LRCH3: variants seen among roughly 807,000 people sequenced by gnomAD.
LRCH3 encodes the protein leucine rich repeats and calponin homology domain containing 3.
A neutral mutation model predicts 104.5 loss-of-function variants in LRCH3; 68 were observed. The ratio of observed to expected loss-of-function variants is 0.65; its 90% CI spans 0.54 to 0.80. LRCH3 has a LOEUF of 0.80. LRCH3 is among the 30% of genes least tolerant of loss of function. The pLI, the probability that LRCH3 is intolerant of heterozygous loss-of-function variation, is 0.00. For missense variants in LRCH3, 951 were observed against 953.9 expected (o/e 1.00, Z 0.04); for synonymous variants, 344 against 361.3 (o/e 0.95, Z 0.54).
intron 5 of LRCH3, 35 bp from the exon 6 acceptor site, chr3:197,829,529 T>G: frequency 7.3e-7 from 1 of 1,363,010 alleles, no homozygotes; most frequent in Non-Finnish European, 1.0e-6. Flanking sequence ...TTCAGATGAG[T>G]AATAATTTGG....
rs747828577 is a variant in LRCH3, at chr3:197,839,354, T to C, written c.1285T>C (p.Phe429Leu). The C allele has an allele frequency of 4.4e-6, 7 of 1,592,148 alleles. No homozygotes were observed. The highest frequency in any genetic ancestry group is 1.4e-5 in the African/African-American group (1 of 73,410). The stretch of plus-strand genomic sequence containing the variant: ...AGTAAAGCCAGTAGCCATTAGGGAG[T>C]TTCAAAAAACAGAAGATATGAGAAG... ...SPVKPVAIRE[F>L]QKTEDMRRYL... Residue 429 changes from phenylalanine to leucine, a missense_variant, in exon 10 of 21, where the codon TTT (phenylalanine) becomes CTT (leucine). Coordinates refer to ENST00000425562, the MANE Select transcript of LRCH3 (RefSeq NM_001365715.1).
At chr3:197,801,431 C>T (rs76951577) in intron 1 of LRCH3, among the ~76,000 whole-genome samples, 1,527 of 152,190 alleles carry the variant, frequency 0.01, 23 homozygotes, top group African/African-American at 0.035. Flanking sequence ...TCATGTTATA[C>T]TTTTAAAAAA....
chr3:197,882,220 T>A (rs1454537469), intron 20 of LRCH3: 2 of 985,254 alleles, frequency 2.0e-6, no homozygotes, highest in African/African-American at 1.7e-5. Flanking sequence ...CCTAGGGCGC[T>A]GCTGAGAGGA....
intron 20 of LRCH3, among the ~76,000 whole-genome samples, chr3:197,879,720 C>A (rs1402590113): frequency 6.6e-6 from 1 of 152,188 alleles, no homozygotes; most frequent in Non-Finnish European, 1.5e-5. Context: ...GTAAATTACC[C>A]CCGGATCATG....
intron 10 of LRCH3, among the ~76,000 whole-genome samples, chr3:197,842,962 A>G (rs138662041): frequency 0.018 from 2,701 of 151,724 alleles, 102 homozygotes; most frequent in African/African-American, 0.062. Flanking sequence ...GCTTGCACCT[A>G]TAGTCCTAGC....
intron 12 of LRCH3, chr3:197,850,830 C>A: frequency 9.2e-7 from 1 of 1,081,892 alleles, no homozygotes; most frequent in Admixed American, 1.7e-5. Context: ...CGTGGCTTTT[C>A]GTATATGCAT....
At chr3:197,835,226 C>G (rs975638769) in intron 8 of LRCH3, among the ~76,000 whole-genome samples, 1 of 151,828 alleles carries the variant, frequency 6.6e-6, no homozygotes, top group African/African-American at 2.4e-5. Context: ...CTATGTCACC[C>G]AAGCTGGAGT....
chr3:197,863,229 T>TA (rs941188128), intron 15 of LRCH3, among the ~76,000 whole-genome samples: 2 of 152,168 alleles, frequency 1.3e-5, no homozygotes, highest in Non-Finnish European at 2.9e-5. Flanking sequence ...TGTCAAGGCC[T>TA]AAAAAACTAT....
chr3:197,819,643 G>A (rs769704432), intron 3 of LRCH3, among the ~76,000 whole-genome samples: 2 of 151,944 alleles, frequency 1.3e-5, no homozygotes, highest in East Asian at 1.9e-4. Flanking sequence ...TGGAACCCGA[G>A]AGACGGAGGT....
At chr3:197,832,165 A>T (rs771090857) in intron 7 of LRCH3, 32 bp from the exon 8 acceptor site, 1 of 1,598,228 alleles carries the variant, frequency 6.3e-7, no homozygotes, top group Non-Finnish European at 8.6e-7. Flanking sequence ...CTCTAAAATG[A>T]TTGTTTTTAA....
At position 197,850,708 on chromosome 3, in the gene LRCH3, A is replaced by G. The variant is rs1019534551; in HGVS notation, c.1531-1853A>G. The G allele has an allele frequency of 1.4e-5, 20 of 1,419,588 alleles. No homozygotes were observed. The African/African-American group carries it at 1.4e-4, about 10-fold the overall frequency. 87.9% of individuals were successfully genotyped at this position (1,419,588 alleles called of 1,614,324 possible). On this transcript the variant is annotated intron_variant, in intron 12 of 20. Coordinates refer to ENST00000425562, the MANE Select transcript of LRCH3 (RefSeq NM_001365715.1). ...AAAAATTCAGCACTCTTTCTGGGCC[A>G]CCGACCTTGTGTCCAGCCCCACTGC...
chr3:197,870,304 CT>C, intron 18 of LRCH3, 26 bp downstream of exon 18: 1 of 1,599,370 alleles, frequency 6.3e-7, no homozygotes, highest in Non-Finnish European at 8.6e-7. Flanking sequence ...TTGATTTACA[CT>C]TTTTCAGTAT....
intron 8 of LRCH3, among the ~76,000 whole-genome samples, chr3:197,833,597 C>T (rs1318512189): frequency 6.6e-6 from 1 of 151,868 alleles, no homozygotes; most frequent in Non-Finnish European, 1.5e-5. Flanking sequence ...ATAAAATACA[C>T]ATCAGATTTT....
At position 197,883,692 on chromosome 3, in the gene LRCH3, C is replaced by T. The variant is rs758139772; in HGVS notation, c.*26C>T. The T allele has an allele frequency of 7.8e-6, 12 of 1,530,402 alleles. No individual in the cohort carries two copies. In the South Asian group the frequency reaches 1.3e-4, roughly 17 times the overall value. The allele number at this position is 1,530,402 out of a possible 1,614,324, so 94.8% of individuals were successfully genotyped here. On this transcript the variant is annotated 3_prime_UTR_variant, in exon 21 of 21. Coordinates refer to ENST00000425562, the MANE Select transcript of LRCH3 (RefSeq NM_001365715.1). This position sits in a 1 kb window ranked among gnomAD's most constrained non-coding sequence, Gnocchi z 4.2. ...GGATCCCCAGGACGGTGGGCACTGG[C>T]CTGGCCAAAACAAGGAACAGGACAC...
intron 12 of LRCH3, chr3:197,851,026 C>T (rs983231968): frequency 2.0e-5 from 15 of 759,578 alleles, no homozygotes; most frequent in Non-Finnish European, 3.4e-5. Context: ...GAAACACGCT[C>T]AGAGAGAATA....
intron 15 of LRCH3, among the ~76,000 whole-genome samples, chr3:197,864,165 G>A (rs1441304228): frequency 6.6e-6 from 1 of 152,030 alleles, no homozygotes; most frequent in African/African-American, 2.4e-5. Flanking sequence ...AATTAGCCAG[G>A]TGTGGTGGCA....
chr3:197,835,735 C>G lies in LRCH3; in HGVS notation c.1164C>G (p.Ala388=). The G allele has an allele frequency of 6.2e-7, 1 of 1,613,726 alleles. No homozygotes were observed. Among genetic ancestry groups the G allele is most frequent in the Non-Finnish European group, 8.5e-7 (1 of 1,179,962 alleles). ...IDSCTAEEEE[A]EVRQPKGPDP... ...GCTGCACCGCAGAGGAAGAGGAGGC[C>G]GAGGTGAGACAGCCCAAGGGACCAG... Residue 388 remains alanine (A), a synonymous_variant, in exon 9 of 21, where the codon GCC becomes GCG. Transcript: ENST00000425562.
At chr3:197,882,455 G>A in intron 20 of LRCH3, 2 of 947,288 alleles carry the variant, frequency 2.1e-6, no homozygotes, top group Non-Finnish European at 2.5e-6. Flanking sequence ...AAAAATACTT[G>A]TTATATATTT....
intron 10 of LRCH3, among the ~76,000 whole-genome samples, chr3:197,845,973 A>C (rs1738622929): frequency 6.6e-6 from 1 of 152,218 alleles, no homozygotes; most frequent in South Asian, 2.1e-4. Context: ...ACATAAACAC[A>C]CTTGAGTTGG....
Sources: allele counts gnomAD v4.1 joint callset (sites outside exome capture counted in the v4.1 genomes callset), GRCh38; gene constraint gnomAD v4.1.1; non-coding constraint Gnocchi (gnomAD v3.1); transcripts MANE v1.5; gene names NCBI Gene and HGNC (gene_info 2026-07-23, HGNC 2026-07-21).